CTNNA3: variants seen among roughly 807,000 people sequenced by gnomAD.
The protein encoded by CTNNA3 is catenin alpha 3, also known as catenin alpha-3.
CTNNA3 carries 76 observed loss-of-function variants against 95.7 expected under a neutral mutation model. That is an observed-to-expected ratio of 0.79 (90% CI 0.66 to 0.96). CTNNA3 has a LOEUF of 0.96. Ranked by LOEUF, CTNNA3 falls within the 40% of genes least tolerant of loss-of-function variation. The pLI, the probability that CTNNA3 is intolerant of heterozygous loss-of-function variation, is 0.00. For missense variants in CTNNA3, 1,191 were observed against 1,089.8 expected, an observed-to-expected ratio of 1.09 and a Z score of -1.31; for synonymous variants, 431 against 374.4, an observed-to-expected ratio of 1.15 and a Z score of -1.74.
intron 9 of CTNNA3, among the ~76,000 whole-genome samples, chr10:66,755,776 T>C (rs899501267): frequency 9.2e-5 from 14 of 152,244 alleles, no homozygotes; most frequent in Admixed American, 2.0e-4. Context: ...TCTATTCTCA[T>C]CTCCTTTTCC....
At chr10:67,305,579 T>A (rs1840520349) in intron 5 of CTNNA3, among the ~76,000 whole-genome samples, 1 of 151,786 alleles carries the variant, frequency 6.6e-6, no homozygotes. Context: ...TTTTAAAAGG[T>A]CACAATGTGA....
At position 66,914,540 on chromosome 10, in the gene CTNNA3, AC is replaced by A. The variant is rs1248794298; in HGVS notation, c.1048-139017del. Reference sequence around the variant, plus strand: ...GTGGCACCGCAGCAAGCAGTATACCACCAAAAAAAAAAAAAAAACTGCAAAT... The same window carrying A: ...GTGGCACCGCAGCAAGCAGTATACCACAAAAAAAAAAAAAAAACTGCAAAT... On this transcript the variant is annotated intron_variant, in intron 7 of 17. Coordinates refer to ENST00000433211, the MANE Select transcript of CTNNA3 (RefSeq NM_013266.4). Among the ~76,000 whole-genome samples, 59 of 40,994 alleles carry A rather than the reference AC, an allele frequency of 1.4e-3. No individual in the cohort carries two copies. The South Asian group carries it at 0.045, about 31-fold the overall frequency. The allele number at this position is 40,994 out of a possible 152,430, so 26.9% of individuals were successfully genotyped here.
At chr10:66,454,015 C>T (rs971550005) in intron 11 of CTNNA3, among the ~76,000 whole-genome samples, 9 of 151,918 alleles carry the variant, frequency 5.9e-5, no homozygotes, top group African/African-American at 2.2e-4. Context: ...ATAGTCATCA[C>T]AGGTGAAAGA....
chr10:67,012,652 C>T (rs1852409941), intron 7 of CTNNA3, among the ~76,000 whole-genome samples: 1 of 151,982 alleles, frequency 6.6e-6, no homozygotes, highest in African/African-American at 2.4e-5. Flanking sequence ...CCTAAAGAAC[C>T]CTGTCCATTG....
chr10:66,412,748 C>T (rs781636275), intron 11 of CTNNA3, among the ~76,000 whole-genome samples: 4 of 151,848 alleles, frequency 2.6e-5, no homozygotes, highest in Non-Finnish European at 4.4e-5. Flanking sequence ...CATTAGTCAC[C>T]GCGCCTGGCC....
At chr10:67,079,435 G>A (rs1856918883) in intron 7 of CTNNA3, among the ~76,000 whole-genome samples, 1 of 152,136 alleles carries the variant, frequency 6.6e-6, no homozygotes, top group South Asian at 2.1e-4. Context: ...TCTAAGTTTA[G>A]AAAACCCCAA....
chr10:66,631,929 T>C (rs1369193928), intron 9 of CTNNA3, among the ~76,000 whole-genome samples: 1 of 150,236 alleles, frequency 6.7e-6, no homozygotes, highest in Non-Finnish European at 1.5e-5. Context: ...TATATTTTTC[T>C]ATATATTTTA....
At chr10:65,959,724 A>G (rs868517368) in intron 17 of CTNNA3, among the ~76,000 whole-genome samples, 8 of 152,208 alleles carry the variant, frequency 5.3e-5, no homozygotes, top group Middle Eastern at 6.8e-3. Context: ...CATGTTGCCC[A>G]TGGTTGGTCT....
rs372705313 is a variant in CTNNA3, at chr10:67,584,311, G to A, written c.292+22546C>T. Among the ~76,000 whole-genome samples, 3 of 152,216 alleles carry A rather than the reference G, an allele frequency of 2.0e-5. No homozygotes were observed. The East Asian group carries it at 5.8e-4, about 29-fold the overall frequency. On this transcript the variant is annotated intron_variant, in intron 3 of 17. Transcript: ENST00000433211. ...AGTCAGGACCCTCAGGTGCAGGTCT[G>A]TTGGACTTTGCTGGAGGTCCACTCC...
At chr10:66,378,934 T>C (rs1051907571) in intron 12 of CTNNA3, among the ~76,000 whole-genome samples, 1 of 152,212 alleles carries the variant, frequency 6.6e-6, no homozygotes, top group Non-Finnish European at 1.5e-5. Context: ...GTAATTTATA[T>C]AACGCATATA....
rs142342628 is a variant in CTNNA3 at position 66,351,890 on chromosome 10, A to G, written c.1732+27262T>C. Among the ~76,000 whole-genome samples the G allele has an allele frequency of 6.6e-3, 1,000 of 152,128 alleles. 17 individuals carry two copies. The highest frequency in any genetic ancestry group is 0.022 in the African/African-American group (928 of 41,520). On this transcript the variant is annotated intron_variant, in intron 12 of 17. Coordinates refer to ENST00000433211, the MANE Select transcript of CTNNA3 (RefSeq NM_013266.4). ...AACACAAATGTAGTTGAAATTAGCA[A>G]ATGTTTAGTGACTATTATATGCCAT... is the stretch of plus-strand genomic sequence containing the variant.
At chr10:67,387,852 G>A (rs921746009) in intron 5 of CTNNA3, among the ~76,000 whole-genome samples, 2 of 152,178 alleles carry the variant, frequency 1.3e-5, no homozygotes, top group African/African-American at 4.8e-5. Flanking sequence ...TGAGGGTCCT[G>A]TCTGTTAGAA....
chr10:67,404,434 A>T (rs1342793193), intron 5 of CTNNA3, among the ~76,000 whole-genome samples: 1 of 152,048 alleles, frequency 6.6e-6, no homozygotes, highest in Non-Finnish European at 1.5e-5. Flanking sequence ...ATAGCAGAAT[A>T]GGCCAAGCAG....
Position 66,534,469 on chromosome 10 carries a change from CATAT to C in CTNNA3, c.1375-13700_1375-13697del, listed in dbSNP as rs58455418. ...AACTAGGATAGGATTTTATAAAAATCATATATATATATATATATATATATATATA... is the reference window on the plus strand; with the variant it reads ...AACTAGGATAGGATTTTATAAAAATCATATATATATATATATATATATATA... On this transcript the variant is annotated intron_variant, in intron 10 of 17. Transcript: ENST00000433211. 6.9e-3 allele frequency among the ~76,000 whole-genome samples: 1,015 copies of C among 146,876 alleles called. 9 individuals are homozygous for C. Among genetic ancestry groups the C allele is most frequent in the African/African-American group, 0.019 (770 of 40,078 alleles).
intron 11 of CTNNA3, among the ~76,000 whole-genome samples, chr10:66,442,513 T>C (rs1195716351): frequency 6.6e-6 from 1 of 152,168 alleles, no homozygotes; most frequent in Non-Finnish European, 1.5e-5. Context: ...TCTATGTTAA[T>C]AGATTACAAC....
At chr10:66,111,531 G>T (rs73312122) in intron 13 of CTNNA3, among the ~76,000 whole-genome samples, 5,176 of 152,268 alleles carry the variant, frequency 0.034, 308 homozygotes, top group African/African-American at 0.12. Context: ...CGGCATGGCC[G>T]TATGTAGACA....
At chr10:67,375,865 G>A (rs927934991) in intron 5 of CTNNA3, among the ~76,000 whole-genome samples, 1 of 152,158 alleles carries the variant, frequency 6.6e-6, no homozygotes, top group Non-Finnish European at 1.5e-5. Context: ...GAACTCATAG[G>A]CTAACCCCCA....
chr10:66,729,446 TG>T lies in CTNNA3; in HGVS notation c.1281+36817del, dbSNP rs560326561. 1.6e-3 allele frequency among the ~76,000 whole-genome samples: 244 copies of T among 152,358 alleles called. 1 individual carries two copies. Among genetic ancestry groups the T allele is most frequent in the African/African-American group, 5.6e-3 (231 of 41,588 alleles). ...CCATTTGACCCAGCAATCCCATTAC[TG>T]GGTATATACCCAAAGAAATATAAAT... On this transcript the variant is annotated intron_variant, in intron 9 of 17. Transcript: ENST00000433211.
At chr10:66,739,229 AT>A (rs1209730679) in intron 9 of CTNNA3, among the ~76,000 whole-genome samples, 2 of 152,164 alleles carry the variant, frequency 1.3e-5, no homozygotes, top group African/African-American at 4.8e-5. Flanking sequence ...GTCCATCAGA[AT>A]CACCTGGAGG....
Sources: gnomAD v4.1 joint callset for allele counts (sites outside exome capture counted in the v4.1 genomes callset) on GRCh38, gnomAD v4.1.1 for gene constraint, MANE v1.5 for transcripts, NCBI Gene and HGNC (gene_info 2026-07-23, HGNC 2026-07-21) for gene names.